Variants in SMYD3 observed in about 807,000 individuals in gnomAD.
SMYD3 encodes histone-lysine N-methyltransferase SMYD3.
In SMYD3, 36 loss-of-function variants were observed where a neutral mutation model predicts 57.7. The ratio of observed to expected loss-of-function variants is 0.62; its 90% CI spans 0.48 to 0.82. SMYD3 has a LOEUF of 0.82. SMYD3 is among the 40% of genes least tolerant of loss of function. SMYD3 has a pLI of 0.00. For synonymous variants in SMYD3, 211 were observed against 195.0 expected (o/e 1.08, Z -0.68); for missense variants, 515 against 538.8 (o/e 0.96, Z 0.44).
intron 5 of SMYD3, among the ~76,000 whole-genome samples, chr1:246,019,719 A>G (rs957635865): frequency 2.6e-5 from 4 of 152,162 alleles, no homozygotes; most frequent in African/African-American, 9.7e-5. Context: ...GTAATTATTA[A>G]TTTAATTTTT....
intron 5 of SMYD3, among the ~76,000 whole-genome samples, chr1:246,066,756 A>AT (rs1364633364): frequency 1.3e-5 from 2 of 152,322 alleles, no homozygotes; most frequent in East Asian, 3.9e-4. Flanking sequence ...AATTCATTAG[A>AT]TCCCTCAGGG....
intron 5 of SMYD3, among the ~76,000 whole-genome samples, chr1:246,144,593 CTT>C (rs2061813885): frequency 6.6e-6 from 1 of 152,136 alleles, no homozygotes; most frequent in Non-Finnish European, 1.5e-5. Context: ...TTGCTTTTAT[CTT>C]TTTATTTTTC....
intron 5 of SMYD3, among the ~76,000 whole-genome samples, chr1:246,196,406 A>C (rs899226949): frequency 6.6e-6 from 1 of 152,358 alleles, no homozygotes; most frequent in South Asian, 2.1e-4. Flanking sequence ...ATCCAAGTTA[A>C]ATAAATGAAA....
At chr1:246,022,374 T>C (rs372750898) in intron 5 of SMYD3, among the ~76,000 whole-genome samples, 9 of 152,206 alleles carry the variant, frequency 5.9e-5, no homozygotes, top group Non-Finnish European at 5.9e-5. Context: ...AGATTGAGTA[T>C]GAGAACTACA....
In SMYD3 at chr1:246,475,986, G is replaced by A. The variant is rs772542419; in HGVS notation, c.164+31068C>T. 2.8e-4 allele frequency among the ~76,000 whole-genome samples: 42 copies of A among 152,160 alleles called. 1 individual carries two copies. Among genetic ancestry groups the A allele is most frequent in the Non-Finnish European group, 1.9e-4 (13 of 68,032 alleles). On this transcript the variant is annotated intron_variant, in intron 1 of 11. Transcript: ENST00000490107. Reference sequence around the variant, plus strand: ...CAAAGCAAAGGTTATAAGCTATCTAGATTTTGTTATTCTATGACAGGTAAT... The same window carrying A: ...CAAAGCAAAGGTTATAAGCTATCTAAATTTTGTTATTCTATGACAGGTAAT...
At chr1:245,826,148 C>T (rs1268557028) in intron 10 of SMYD3, among the ~76,000 whole-genome samples, 1 of 151,502 alleles carries the variant, frequency 6.6e-6, no homozygotes, top group Non-Finnish European at 1.5e-5. Context: ...TAACAGTCAT[C>T]CAGAACTTTT....
chr1:245,898,036 G>A (rs1397539715), intron 8 of SMYD3, among the ~76,000 whole-genome samples: 6 of 152,136 alleles, frequency 3.9e-5, no homozygotes, highest in Non-Finnish European at 2.9e-5. Flanking sequence ...CTCTGGCTGT[G>A]TTTTCCTTCT....
chr1:246,238,000 T>A (rs1419038542), intron 5 of SMYD3, among the ~76,000 whole-genome samples: 2 of 152,184 alleles, frequency 1.3e-5, no homozygotes, highest in Non-Finnish European at 2.9e-5. Flanking sequence ...CACTCTATCT[T>A]GGGTGATAAA....
At chr1:246,393,193 TA>T (rs200319653) in intron 1 of SMYD3, among the ~76,000 whole-genome samples, 14 of 152,068 alleles carry the variant, frequency 9.2e-5, no homozygotes, top group South Asian at 2.1e-4. Flanking sequence ...GAGACTATGT[TA>T]AAAAAAATAC....
intron 5 of SMYD3, among the ~76,000 whole-genome samples, chr1:246,124,669 A>G (rs912968400): frequency 1.3e-5 from 2 of 152,234 alleles, no homozygotes; most frequent in Non-Finnish European, 2.9e-5. Flanking sequence ...AGATGACATA[A>G]GGCCGGAGAG....
chr1:246,347,641 G>A (rs1485475346), intron 2 of SMYD3, among the ~76,000 whole-genome samples: 6 of 152,176 alleles, frequency 3.9e-5, no homozygotes, highest in Non-Finnish European at 7.3e-5. Flanking sequence ...AGGTGACTCA[G>A]CCATGAAGGC....
At chr1:246,343,010 G>A (rs898352390) in intron 2 of SMYD3, among the ~76,000 whole-genome samples, 2 of 152,156 alleles carry the variant, frequency 1.3e-5, no homozygotes, top group Non-Finnish European at 2.9e-5. Context: ...TAGTAAAATT[G>A]TACATTACAG....
chr1:246,104,234 T>C (rs2061075421), intron 5 of SMYD3, among the ~76,000 whole-genome samples: 1 of 152,208 alleles, frequency 6.6e-6, no homozygotes, highest in Non-Finnish European at 1.5e-5. Flanking sequence ...AATAAAAGAA[T>C]CACCCACTTG....
chr1:246,424,827 T>C (rs192235486), intron 1 of SMYD3, among the ~76,000 whole-genome samples: 12 of 152,366 alleles, frequency 7.9e-5, no homozygotes, highest in African/African-American at 2.6e-4. Flanking sequence ...CTTTGGTTCA[T>C]GGAACCATTA....
intron 8 of SMYD3, among the ~76,000 whole-genome samples, chr1:245,909,793 T>C (rs2054836590): frequency 6.6e-6 from 1 of 151,924 alleles, no homozygotes; most frequent in Non-Finnish European, 1.5e-5. Flanking sequence ...CTTAACAAAC[T>C]GGGTATGAGG....
chr1:245,768,559 G>T (rs1558317045), intron 10 of SMYD3, among the ~76,000 whole-genome samples: 1 of 152,170 alleles, frequency 6.6e-6, no homozygotes, highest in Non-Finnish European at 1.5e-5. Flanking sequence ...GTTATTCAGG[G>T]CTACTGCTTT....
intron 5 of SMYD3, among the ~76,000 whole-genome samples, chr1:246,034,240 T>C (rs997634662): frequency 2.6e-5 from 4 of 152,172 alleles, no homozygotes; most frequent in African/African-American, 9.7e-5. Context: ...CATACACACT[T>C]TTTGGAACAT....
chr1:245,948,643 GC>G (rs1338388051), intron 5 of SMYD3, among the ~76,000 whole-genome samples: 2 of 1,384 alleles, frequency 1.4e-3, no homozygotes, highest in Non-Finnish European at 0.024. Context: ...CCTGCCCTGG[GC>G]CCCAAATAGC....
At chr1:246,239,934 G>T (rs1189120123) in intron 5 of SMYD3, among the ~76,000 whole-genome samples, 1 of 152,140 alleles carries the variant, frequency 6.6e-6, no homozygotes, top group African/African-American at 2.4e-5. Context: ...TTTTGATGAG[G>T]TTGTTTGATT....
Sources: gnomAD v4.1 joint callset for allele counts (sites outside exome capture counted in the v4.1 genomes callset) on GRCh38, gnomAD v4.1.1 for gene constraint, MANE v1.5 for transcripts, NCBI Gene and HGNC (gene_info 2026-07-23, HGNC 2026-07-21) for gene names.